Variants in ZNF354B observed in about 807,000 individuals in gnomAD.
The protein encoded by ZNF354B is zinc finger protein 354B.
In ZNF354B, 10 loss-of-function variants were observed where a neutral mutation model predicts 12.9. The ratio of observed to expected loss-of-function variants is 0.77; its 90% confidence interval spans 0.48 to 1.31. ZNF354B has a LOEUF of 1.31. Among genes scored for constraint, ZNF354B ranks in the 40% most tolerant of loss-of-function variants. The pLI is 0.00. For missense variants in ZNF354B, 614 were observed against 711.7 expected, an observed-to-expected ratio of 0.86 and a Z score of 1.56; for synonymous variants, 260 against 243.7, an observed-to-expected ratio of 1.07 and a Z score of -0.62.
intron 4 of ZNF354B, among the ~76,000 whole-genome samples, chr5:178,880,938 G>A (rs896658186): frequency 6.8e-6 from 1 of 148,044 alleles, no homozygotes; most frequent in African/African-American, 2.5e-5. Context: ...TGCCCCCAGG[G>A]TTCAAGTGAT....
intron 3 of ZNF354B, 144 bp downstream of exon 3, chr5:178,866,514 ATAACT>A (rs1470902666): frequency 1.1e-5 from 15 of 1,309,432 alleles, no homozygotes; most frequent in Middle Eastern, 2.4e-4. Context: ...ATAAACATTG[ATAACT>A]TAACTTTCTC....
In ZNF354B at chr5:178,867,060, T is replaced by G; in HGVS notation, c.245T>G (p.Val82Gly). 1 of 1,612,878 alleles carries G rather than the reference T, an allele frequency of 6.2e-7. No homozygotes were observed. Among genetic ancestry groups the G allele is most frequent in the Non-Finnish European group, 8.5e-7 (1 of 1,179,772 alleles). Residue 82 changes from valine (V) to glycine (G), a missense_variant, in exon 4 of 5, where the codon GTC becomes GGC. Val to Gly is a moderately radical substitution (Grantham distance 109). Coordinates refer to ENST00000322434, the MANE Select transcript of ZNF354B (RefSeq NM_058230.3). ...GAGGTGGAGAAAGACAGTTCTGGTGTCTCCTCTCTAGGTAAGTGGGTGGCC... is the reference window on the plus strand; with the variant it reads ...GAGGTGGAGAAAGACAGTTCTGGTGGCTCCTCTCTAGGTAAGTGGGTGGCC... ...PWEVEKDSSG[V>G]SSLGCKSTPK...
intron 2 of ZNF354B, among the ~76,000 whole-genome samples, chr5:178,863,245 T>C (rs973600763): frequency 3.9e-5 from 6 of 152,210 alleles, no homozygotes; most frequent in African/African-American, 1.4e-4. Flanking sequence ...TATATACATA[T>C]GTATATGTGT....
chr5:178,876,471 G>C (rs1458971298), intron 4 of ZNF354B, among the ~76,000 whole-genome samples: 1 of 152,218 alleles, frequency 6.6e-6, no homozygotes, highest in East Asian at 1.9e-4. Flanking sequence ...ACTGGCCCGA[G>C]AGCCTAGGCA....
chr5:178,872,960 G>T (rs1486657310), intron 4 of ZNF354B, among the ~76,000 whole-genome samples: 5 of 151,784 alleles, frequency 3.3e-5, no homozygotes, highest in Non-Finnish European at 5.9e-5. Flanking sequence ...CTAATTTTTG[G>T]CATTTTTAGT....
At chr5:178,876,127 G>A (rs1757633974) in intron 4 of ZNF354B, among the ~76,000 whole-genome samples, 1 of 152,210 alleles carries the variant, frequency 6.6e-6, no homozygotes, top group African/African-American at 2.4e-5. Flanking sequence ...AGCTATAGTG[G>A]TGGAGGGGCT....
intron 4 of ZNF354B, among the ~76,000 whole-genome samples, chr5:178,878,300 G>T (rs563406162): frequency 4.0e-5 from 6 of 151,836 alleles, no homozygotes; most frequent in Non-Finnish European, 8.8e-5. Flanking sequence ...GGAGAATGGC[G>T]TGAACCCGGG....
intron 4 of ZNF354B, among the ~76,000 whole-genome samples, chr5:178,868,833 A>G (rs186159699): frequency 0.15 from 22,438 of 151,854 alleles, 2,004 homozygotes; most frequent in African/African-American, 0.25. Flanking sequence ...TTAGCCGGGC[A>G]TGGTGGCGGG....
At chr5:178,873,080 A>G (rs143438167) in intron 4 of ZNF354B, among the ~76,000 whole-genome samples, 240 of 152,154 alleles carry the variant, frequency 1.6e-3, no homozygotes, top group African/African-American at 5.6e-3. Context: ...GAGTCACCAC[A>G]CCTGGCCTGT....
At chr5:178,860,370 C>T (rs908179365) in intron 1 of ZNF354B, among the ~76,000 whole-genome samples, 10 of 152,008 alleles carry the variant, frequency 6.6e-5, no homozygotes, top group African/African-American at 2.4e-4. Context: ...CCCGGGCCCA[C>T]CCTGCGCGCG....
rs750195236 is a variant in ZNF354B at position 178,883,485 on chromosome 5, C to G, written c.1033C>G (p.Gln345Glu). 16 of 1,613,986 alleles carry G rather than the reference C, an allele frequency of 9.9e-6. No homozygotes were observed. In the Middle Eastern group the frequency reaches 6.6e-4, roughly 66 times the overall value. The change falls in exon 5 of 5, where the codon CAG becomes GAG. Residue 345 changes from glutamine (Q) to glutamate (E), a missense_variant. Transcript: ENST00000322434. ...SSYSTSLSGS[Q>E]KIHLRKKSYL... is the part of the protein sequence containing the mutation. ...TTACAGCACTTCCCTTTCTGGAAGT[C>G]AGAAAATTCATCTCAGAAAGAAGTC...
Position 178,884,446 on chromosome 5 carries a change from C to A in ZNF354B, c.*155C>A. 1.3e-6 allele frequency: 1 copy of A among 769,436 alleles called. No individual in the cohort carries two copies. Among genetic ancestry groups the A allele is most frequent in the Non-Finnish European group, 2.0e-6 (1 of 511,176 alleles). The allele number at this position is 769,436 out of a possible 1,614,324, so 47.7% of individuals were successfully genotyped here. A position where few individuals can be genotyped will look rare whatever the true frequency, so the allele number is the denominator to read the frequency against. ...TTATGGGAAAAGCTTTTATACTTGT[C>A]ACTCACTTTTTAAAATATCCCGAGA... On this transcript the variant is annotated 3_prime_UTR_variant, in exon 5 of 5. Coordinates refer to ENST00000322434, the MANE Select transcript of ZNF354B (RefSeq NM_058230.3).
At chr5:178,868,475 CCTG>C (rs1349650349) in intron 4 of ZNF354B, among the ~76,000 whole-genome samples, 1 of 151,356 alleles carries the variant, frequency 6.6e-6, no homozygotes, top group Non-Finnish European at 1.5e-5. Context: ...ACACAGGTCT[CCTG>C]CTTCTGGAGT....
At chr5:178,876,783 A>T (rs1318570100) in intron 4 of ZNF354B, among the ~76,000 whole-genome samples, 1 of 151,828 alleles carries the variant, frequency 6.6e-6, no homozygotes. Context: ...CATTATTTTC[A>T]TGAGTCATTC....
chr5:178,874,508 A>AT (rs754800937), intron 4 of ZNF354B, among the ~76,000 whole-genome samples: 12 of 151,892 alleles, frequency 7.9e-5, no homozygotes, highest in African/African-American at 2.2e-4. Context: ...GAGCTCTGAG[A>AT]TTTTTTCCTC....
At chr5:178,874,659 TCC>T (rs1222777052) in intron 4 of ZNF354B, among the ~76,000 whole-genome samples, 2 of 152,228 alleles carry the variant, frequency 1.3e-5, no homozygotes, top group African/African-American at 4.8e-5. Context: ...ATCCTTACAT[TCC>T]TTGGATTGGG....
intron 4 of ZNF354B, among the ~76,000 whole-genome samples, chr5:178,877,225 AG>A (rs1286063830): frequency 6.6e-6 from 1 of 152,064 alleles, no homozygotes; most frequent in Non-Finnish European, 1.5e-5. Context: ...CTGGAGTTGC[AG>A]GGGTGTGATC....
rs961630911 is a variant in ZNF354B at position 178,882,790 on chromosome 5, G to C, written c.338G>C (p.Arg113Thr). ...GAGCAGATAAGGAAAAGATTGAAAA[G>C]GGATGAACCCTGGAACTTCATATCA... ...FQEQIRKRLK[R>T]DEPWNFISER... The change falls in exon 5 of 5, where the codon AGG becomes ACG. Residue 113 changes from arginine (R) to threonine (T), a missense_variant. Physicochemically the swap from Arg to Thr is moderately conservative, Grantham distance 71. Coordinates refer to ENST00000322434, the MANE Select transcript of ZNF354B (RefSeq NM_058230.3). 1 of 1,599,382 alleles carries C rather than the reference G, an allele frequency of 6.3e-7. No homozygotes were observed. The highest frequency in any genetic ancestry group is 1.4e-5 in the African/African-American group (1 of 73,940).
chr5:178,879,608 A>G (rs1025283753), intron 4 of ZNF354B, among the ~76,000 whole-genome samples: 2 of 151,298 alleles, frequency 1.3e-5, no homozygotes, highest in Admixed American at 6.6e-5. Context: ...TGAACTCCTG[A>G]CCTCCTGTGA....
Sources: gnomAD v4.1 joint callset for allele counts (sites outside exome capture counted in the v4.1 genomes callset) on GRCh38, gnomAD v4.1.1 for gene constraint, MANE v1.5 for transcripts, NCBI Gene and HGNC (gene_info 2026-07-23, HGNC 2026-07-21) for gene names.